Variants in ANKRD11 observed in about 807,000 individuals in gnomAD.
ANKRD11 encodes ankyrin repeat domain-containing protein 11.
Under a neutral mutation model 195.7 loss-of-function variants are expected in ANKRD11, and 17 were observed. The ratio of observed to expected loss-of-function variants is 0.09; its 90% confidence interval spans 0.06 to 0.13. The LOEUF (loss-of-function observed/expected upper bound fraction) is 0.13. Among genes scored for constraint, ANKRD11 ranks in the 10% least tolerant of loss-of-function variants. The pLI is 1.00. For missense variants in ANKRD11, 3,735 were observed against 3,566.1 expected (o/e 1.05, Z -1.21); for synonymous variants, 1,953 against 1,528.1 (o/e 1.28, Z -6.49).
chr16:89,332,348 C>T (rs995630701), intron 2 of ANKRD11, among the ~76,000 whole-genome samples: 1 of 152,224 alleles, frequency 6.6e-6, no homozygotes, highest in South Asian at 2.1e-4. Flanking sequence ...CCAAGCACCT[C>T]TGGTGGGCTG....
rs147078021 is a variant in ANKRD11, at chr16:89,277,235, C to T, written c.7470+1837G>A. 4.2e-3 allele frequency among the ~76,000 whole-genome samples: 638 copies of T among 152,240 alleles called. 2 individuals are homozygous for T. The highest frequency in any genetic ancestry group is 0.015 in the African/African-American group (608 of 41,552). On this transcript the variant is annotated intron_variant, in intron 9 of 12. Coordinates refer to ENST00000301030, the MANE Select transcript of ANKRD11 (RefSeq NM_013275.6). Reference sequence around the variant, plus strand: ...GGCCACCTCCAAGGTGGGACTGATGCGAGCTCAAGCGAATGCACAGCCCAG... The same window carrying T: ...GGCCACCTCCAAGGTGGGACTGATGTGAGCTCAAGCGAATGCACAGCCCAG...
chr16:89,485,553 A>G (rs2152380406), intron 1 of ANKRD11, among the ~76,000 whole-genome samples: 1 of 152,268 alleles, frequency 6.6e-6, no homozygotes, highest in African/African-American at 2.4e-5. Context: ...TTCAACCACA[A>G]TCAACCAGTT....
At chr16:89,322,855 T>C (rs1458968885) in intron 2 of ANKRD11, among the ~76,000 whole-genome samples, 1 of 152,222 alleles carries the variant, frequency 6.6e-6, no homozygotes, top group African/African-American at 2.4e-5. Flanking sequence ...TTTTGTTTGT[T>C]TGTTTGTTTG....
intron 1 of ANKRD11, among the ~76,000 whole-genome samples, chr16:89,435,036 G>A (rs1419422052): frequency 1.3e-5 from 2 of 152,236 alleles, no homozygotes; most frequent in Non-Finnish European, 2.9e-5. Flanking sequence ...GGTGAAGCCA[G>A]CTGGGCTTCT....
intron 1 of ANKRD11, among the ~76,000 whole-genome samples, chr16:89,466,521 A>T (rs1205295136): frequency 6.6e-6 from 1 of 152,214 alleles, no homozygotes; most frequent in Non-Finnish European, 1.5e-5. Context: ...TTCAAAAGAA[A>T]GTCATCACCC....
chr16:89,482,481 C>A (rs2057475116), intron 1 of ANKRD11, among the ~76,000 whole-genome samples: 1 of 152,152 alleles, frequency 6.6e-6, no homozygotes, highest in South Asian at 2.1e-4. Context: ...AGCAAGGGAA[C>A]ATTACTGGAA....
intron 1 of ANKRD11, among the ~76,000 whole-genome samples, chr16:89,477,603 C>T (rs1204724543): frequency 3.3e-5 from 5 of 151,832 alleles, no homozygotes; most frequent in South Asian, 2.1e-4. Flanking sequence ...GTGATCCACC[C>T]GCTTCAGCCT....
At position 89,281,739 on chromosome 16, in the gene ANKRD11, G is replaced by A; in HGVS notation, c.4803C>T (p.His1601=). The A allele has an allele frequency of 1.2e-6, 2 of 1,613,880 alleles. No individual in the cohort carries two copies. Among genetic ancestry groups the A allele is most frequent in the South Asian group, 1.1e-5 (1 of 91,064 alleles). The part of the protein sequence containing the change: ...DLEIEERHKR[H]KERMKQMEKL... ...TCTCCATTTGCTTCATCCTCTCCTT[G>A]TGCCGCTTGTGGCGCTCCTCGATCT... The change falls in exon 9 of 13, where the codon CAC becomes CAT. Residue 1601 remains histidine (H), a synonymous_variant. Transcript: ENST00000301030. This position sits in a 1 kb window ranked among gnomAD's most constrained non-coding sequence, Gnocchi z 5.5.
At chr16:89,389,345 A>T (rs2041069618) in intron 2 of ANKRD11, among the ~76,000 whole-genome samples, 1 of 152,166 alleles carries the variant, frequency 6.6e-6, no homozygotes, top group South Asian at 2.1e-4. Context: ...CTGTAAACCT[A>T]AAATTTTTCA....
At chr16:89,338,726 C>CAA (rs34799616) in intron 2 of ANKRD11, among the ~76,000 whole-genome samples, 18,540 of 42,560 alleles carry the variant, frequency 0.44, 4,282 homozygotes, top group Non-Finnish European at 0.49. Context: ...CACTCAGTCT[C>CAA]AAAAAAAAAA....
chr16:89,439,203 G>C (rs2043343204), intron 1 of ANKRD11, among the ~76,000 whole-genome samples: 1 of 152,156 alleles, frequency 6.6e-6, no homozygotes, highest in Non-Finnish European at 1.5e-5. Context: ...GTTCAAGGAA[G>C]TCCCACTGTT....
At chr16:89,454,393 T>C (rs2056333611) in intron 1 of ANKRD11, among the ~76,000 whole-genome samples, 1 of 152,174 alleles carries the variant, frequency 6.6e-6, no homozygotes. Flanking sequence ...CTTACATCCT[T>C]GACCTAGTGG....
At chr16:89,330,079 TTAA>T (rs954979740) in intron 2 of ANKRD11, among the ~76,000 whole-genome samples, 2 of 152,038 alleles carry the variant, frequency 1.3e-5, no homozygotes, top group Non-Finnish European at 2.9e-5. Context: ...TATAAACATT[TTAA>T]TAATGTTTAA....
chr16:89,324,274 C>T, intron 2 of ANKRD11: 2 of 1,243,804 alleles, frequency 1.6e-6, no homozygotes, highest in Non-Finnish European at 2.1e-6. Context: ...CATACAGGAG[C>T]CCCGTGCTCC....
At chr16:89,357,646 T>C (rs1283907632) in intron 2 of ANKRD11, among the ~76,000 whole-genome samples, 1 of 152,148 alleles carries the variant, frequency 6.6e-6, no homozygotes, top group Non-Finnish European at 1.5e-5. Context: ...AGAAGCAGAA[T>C]GCGTCTGCAC....
chr16:89,374,942 A>G (rs1424845022), intron 2 of ANKRD11, among the ~76,000 whole-genome samples: 1 of 152,194 alleles, frequency 6.6e-6, no homozygotes, highest in Non-Finnish European at 1.5e-5. Flanking sequence ...AAAGTCAGAA[A>G]AAGTATGTCA....
chr16:89,331,711 C>T (rs1039492548), intron 2 of ANKRD11, among the ~76,000 whole-genome samples: 8 of 152,200 alleles, frequency 5.3e-5, no homozygotes, highest in Non-Finnish European at 8.8e-5. Flanking sequence ...GCCTCGAACT[C>T]CTGGGTTCAA....
chr16:89,350,685 G>A (rs769820162), intron 2 of ANKRD11, among the ~76,000 whole-genome samples: 9 of 152,184 alleles, frequency 5.9e-5, no homozygotes, highest in Non-Finnish European at 1.0e-4. Flanking sequence ...CTTTCTTGGG[G>A]TGATGGAAAT....
chr16:89,275,284 T>A lies in ANKRD11; in HGVS notation c.7471-93A>T, dbSNP rs894913827. 5 of 1,099,526 alleles carry A rather than the reference T, an allele frequency of 4.5e-6. No homozygotes were observed. In the Admixed American group the frequency reaches 1.0e-4, roughly 23 times the overall value. 68.1% of individuals were successfully genotyped at this position (1,099,526 alleles called of 1,614,324 possible). A position where few individuals can be genotyped will look rare whatever the true frequency, so the allele number is the denominator to read the frequency against. On this transcript the variant is annotated intron_variant, in intron 9 of 12. Transcript: ENST00000301030. ...AGTTCACGGGGGTCCCGACTCAGCC[T>A]CCCCACTCCTAGGAGCCTGCCCTGG...
Sources: gnomAD v4.1 joint callset for allele counts (sites outside exome capture counted in the v4.1 genomes callset) on GRCh38, gnomAD v4.1.1 for gene constraint, Gnocchi (gnomAD v3.1) non-coding constraint, MANE v1.5 for transcripts, NCBI Gene and HGNC (gene_info 2026-07-23, HGNC 2026-07-21) for gene names.